ROBO1: variants seen among roughly 807,000 people sequenced by gnomAD.
ROBO1 encodes the protein roundabout homolog 1.
Under a neutral mutation model 195.9 loss-of-function variants are expected in ROBO1, and 149 were observed. The observed-to-expected ratio is 0.76, with a 90% CI of 0.67 to 0.87. The LOEUF (loss-of-function observed/expected upper bound fraction) is 0.87, where lower values mean the gene tolerates loss of function less well. ROBO1 is among the 40% of genes least tolerant of loss of function. The probability of loss-of-function intolerance (pLI) is 0.00; values close to 1 mark genes in which losing one functional copy is unlikely to be tolerated. For synonymous variants in ROBO1, 816 were observed against 733.2 expected (o/e 1.11, Z -1.82); for missense variants, 1,933 against 2,068.3 (o/e 0.93, Z 1.27).
chr3:78,899,368 G>A (rs1309162772), intron 4 of ROBO1, among the ~76,000 whole-genome samples: 2 of 152,122 alleles, frequency 1.3e-5, no homozygotes, highest in Admixed American at 1.3e-4. Flanking sequence ...TAATAGAAGT[G>A]ACTGCTATTA....
At chr3:78,998,618 A>G (rs764207964) in intron 3 of ROBO1, among the ~76,000 whole-genome samples, 14 of 152,118 alleles carry the variant, frequency 9.2e-5, no homozygotes, top group Non-Finnish European at 1.9e-4. Context: ...TGTCCATGTT[A>G]GTCTAGTCTC....
chr3:79,455,536 TACTC>T (rs1209734403), intron 2 of ROBO1, among the ~76,000 whole-genome samples: 2 of 152,134 alleles, frequency 1.3e-5, no homozygotes, highest in African/African-American at 4.8e-5. Context: ...GACATTTAAA[TACTC>T]ACCTATAATT....
At chr3:79,456,765 T>C (rs906896272) in intron 2 of ROBO1, among the ~76,000 whole-genome samples, 1 of 152,162 alleles carries the variant, frequency 6.6e-6, no homozygotes, top group African/African-American at 2.4e-5. Context: ...TTAGCGACTT[T>C]TAATATAAAT....
At chr3:79,646,981 C>G (rs1945838639) in intron 1 of ROBO1, among the ~76,000 whole-genome samples, 1 of 151,794 alleles carries the variant, frequency 6.6e-6, no homozygotes, top group South Asian at 2.1e-4. Flanking sequence ...GAAATAAGAC[C>G]TGGTGTTAGA....
chr3:79,389,495 T>A (rs1329236640), intron 2 of ROBO1, among the ~76,000 whole-genome samples: 1 of 151,964 alleles, frequency 6.6e-6, no homozygotes, highest in African/African-American at 2.4e-5. Context: ...AAAGAGGAAA[T>A]AGAAAATATT....
intron 1 of ROBO1, among the ~76,000 whole-genome samples, chr3:79,652,325 G>A (rs1194466347): frequency 7.0e-6 from 1 of 143,850 alleles, no homozygotes; most frequent in Non-Finnish European, 1.5e-5. Context: ...TCCATTCTCA[G>A]ACCTCTTCCA....
At chr3:79,634,573 C>T (rs1469331039) in intron 1 of ROBO1, among the ~76,000 whole-genome samples, 1 of 152,070 alleles carries the variant, frequency 6.6e-6, no homozygotes, top group African/African-American at 2.4e-5. Flanking sequence ...ATAATCTCTT[C>T]ATGATTTTAT....
chr3:79,050,122 C>T (rs949409372), intron 3 of ROBO1, among the ~76,000 whole-genome samples: 12 of 151,998 alleles, frequency 7.9e-5, no homozygotes, highest in Non-Finnish European at 1.5e-4. Context: ...CAGTCAAGAC[C>T]CATTGGTGTG....
chr3:79,299,609 A>G (rs1368023288), intron 2 of ROBO1, among the ~76,000 whole-genome samples: 1 of 152,200 alleles, frequency 6.6e-6, no homozygotes, highest in Admixed American at 6.5e-5. Context: ...TTTGCCAATA[A>G]TATATTCATT....
chr3:78,698,102 C>A (rs1376063264), intron 8 of ROBO1, among the ~76,000 whole-genome samples: 1 of 152,112 alleles, frequency 6.6e-6, no homozygotes, highest in Non-Finnish European at 1.5e-5. Flanking sequence ...ACATCTGATA[C>A]ACTAGAATTG....
intron 2 of ROBO1, among the ~76,000 whole-genome samples, chr3:79,470,902 A>G (rs1938237141): frequency 1.3e-5 from 2 of 152,172 alleles, no homozygotes; most frequent in African/African-American, 4.8e-5. Context: ...AGATTAATAC[A>G]GTAAATATTT....
chr3:78,814,973 G>A (rs1039525171), intron 4 of ROBO1, among the ~76,000 whole-genome samples: 5 of 152,168 alleles, frequency 3.3e-5, no homozygotes, highest in East Asian at 1.9e-4. Context: ...GGTGATCTGT[G>A]ATCAGTGTTC....
intron 4 of ROBO1, among the ~76,000 whole-genome samples, chr3:78,774,476 A>G (rs929405592): frequency 7.9e-5 from 12 of 152,124 alleles, no homozygotes; most frequent in African/African-American, 2.6e-4. Context: ...ACGCCCAGCT[A>G]ATTTTTTGTA....
intron 2 of ROBO1, among the ~76,000 whole-genome samples, chr3:79,365,306 C>T (rs946195760): frequency 2.6e-4 from 40 of 152,136 alleles, no homozygotes; most frequent in African/African-American, 9.2e-4. Context: ...ACTTCTTGGC[C>T]TTTCCACCTG....
intron 2 of ROBO1, among the ~76,000 whole-genome samples, chr3:79,356,869 ATTG>A (rs2035575429): frequency 6.6e-6 from 1 of 152,174 alleles, no homozygotes; most frequent in Non-Finnish European, 1.5e-5. Flanking sequence ...AGTTAATGGA[ATTG>A]TTCAAGTCTC....
intron 1 of ROBO1, among the ~76,000 whole-genome samples, chr3:79,653,260 CAAAT>C (rs958177404): frequency 9.2e-5 from 14 of 151,744 alleles, no homozygotes; most frequent in African/African-American, 2.2e-4. Flanking sequence ...CATTTAATGA[CAAAT>C]AATTTTTAAT....
intron 23 of ROBO1, chr3:78,634,588 G>A (rs774398305): frequency 4.8e-5 from 13 of 268,634 alleles, no homozygotes; most frequent in South Asian, 1.3e-4. Context: ...ATATTTGTGC[G>A]GAGGCTCTCA....
intron 4 of ROBO1, among the ~76,000 whole-genome samples, chr3:78,847,940 G>A (rs2033777239): frequency 6.6e-6 from 1 of 152,140 alleles, no homozygotes; most frequent in African/African-American, 2.4e-5. Context: ...TAGAAAAAGA[G>A]AAATATGACA....
At chr3:79,388,060 G>T (rs73127357) in intron 2 of ROBO1, among the ~76,000 whole-genome samples, 10,014 of 152,140 alleles carry the variant, frequency 0.066, 400 homozygotes, top group East Asian at 0.14. Flanking sequence ...TAATTTCTTG[G>T]TTAAGCTATT....
Sources: gnomAD v4.1 joint callset for allele counts (sites outside exome capture counted in the v4.1 genomes callset) on GRCh38, gnomAD v4.1.1 for gene constraint, MANE v1.5 for transcripts, NCBI Gene and HGNC (gene_info 2026-07-23, HGNC 2026-07-21) for gene names.